PTCH2: variants seen among roughly 807,000 people sequenced by gnomAD.
PTCH2 encodes the protein patched 2, also known as protein patched homolog 2.
Under a neutral mutation model 117.9 loss-of-function variants are expected in PTCH2, and 96 were observed. The observed-to-expected ratio is 0.81, with a 90% CI of 0.69 to 0.96. The LOEUF (loss-of-function observed/expected upper bound fraction) is 0.96. Ranked by LOEUF, PTCH2 falls within the 50% of genes least tolerant of loss-of-function variation. The pLI, the probability that PTCH2 is intolerant of heterozygous loss-of-function variation, is 0.00. For synonymous variants in PTCH2, 615 were observed against 660.9 expected (o/e 0.93, Z 1.06); for missense variants, 1,379 against 1,562.5 (o/e 0.88, Z 1.98).
At chr1:44,825,866 A>G (rs1196542474) in intron 19 of PTCH2, among the ~76,000 whole-genome samples, 2 of 117,670 alleles carry the variant, frequency 1.7e-5, no homozygotes, top group African/African-American at 7.1e-5. Context: ...TTTTTTTGAG[A>G]CGGAGAGTTT....
In PTCH2 at chr1:44,843,237, C is replaced by A. The variant is rs890619824; in HGVS notation, c.-305G>T. On this transcript the variant is annotated 5_prime_UTR_variant, in exon 1 of 22. Transcript: ENST00000372192. Reference sequence around the variant, plus strand: ...TGCTGGCCCGAGACGCACAGCAGGGCTCGAGGTGGCAACTGCAGTCCCCGG... The same window carrying A: ...TGCTGGCCCGAGACGCACAGCAGGGATCGAGGTGGCAACTGCAGTCCCCGG... 1.7e-5 allele frequency: 17 copies of A among 985,296 alleles called. No homozygotes were observed. The highest frequency in any genetic ancestry group is 3.5e-5 in the African/African-American group (2 of 57,248). 61.0% of individuals were successfully genotyped at this position (985,296 alleles called of 1,614,324 possible).
Position 44,823,131 on chromosome 1 carries a change from C to T in PTCH2, c.3295G>A (p.Gly1099Ser). 1 of 1,614,002 alleles carries T rather than the reference C, an allele frequency of 6.2e-7. No individual in the cohort carries two copies. Among genetic ancestry groups the T allele is most frequent in the African/African-American group, 1.3e-5 (1 of 75,014 alleles). Residue 1099 changes from glycine to serine, a missense_variant, in exon 21 of 22, where the codon GGC becomes AGC. Coordinates refer to ENST00000372192, the MANE Select transcript of PTCH2 (RefSeq NM_003738.5). The surrounding 1 kb of genome is among the most constrained non-coding windows in gnomAD (Gnocchi z 5.1). ...AGCAGCACGAGTCCATGGAGGAGGCCCAGGAGCGTGAGCACTGTCAGCGCC... is the reference window on the plus strand; with the variant it reads ...AGCAGCACGAGTCCATGGAGGAGGCTCAGGAGCGTGAGCACTGTCAGCGCC... ...FAALTVLTLL[G>S]LLHGLVLLPV...
At chr1:44,835,306 C>G (rs889871294) in intron 2 of PTCH2, among the ~76,000 whole-genome samples, 2 of 152,166 alleles carry the variant, frequency 1.3e-5, no homozygotes, top group Admixed American at 1.3e-4. Context: ...ATCCTCCCAC[C>G]TCAGCCTCTG....
At chr1:44,824,285 A>G (rs368110435) in intron 19 of PTCH2, among the ~76,000 whole-genome samples, 2 of 152,076 alleles carry the variant, frequency 1.3e-5, no homozygotes, top group Non-Finnish European at 2.9e-5. Context: ...AGGATCATAT[A>G]TTGTTTTTAT....
chr1:44,833,483 C>T (rs2148881130), intron 2 of PTCH2, among the ~76,000 whole-genome samples: 1 of 148,662 alleles, frequency 6.7e-6, no homozygotes, highest in African/African-American at 2.5e-5. Flanking sequence ...ATTGCCCAGG[C>T]TGGAGTGCAG....
Position 44,826,804 on chromosome 1 carries a change from G to A in PTCH2, c.2696-36C>T. 4 of 1,605,842 alleles carry A rather than the reference G, an allele frequency of 2.5e-6. No individual in the cohort carries two copies. Among genetic ancestry groups the A allele is most frequent in the Non-Finnish European group, 3.4e-6 (4 of 1,174,332 alleles). On this transcript the variant is annotated intron_variant, in intron 17 of 21. Transcript: ENST00000372192. This position sits in a 1 kb window ranked among gnomAD's most constrained non-coding sequence, Gnocchi z 5.1. The stretch of plus-strand genomic sequence containing the variant: ...GAGGGGAAGGGAGAAGAGGGAGAGG[G>A]ACAGGGCGGTGAGCACGGGGCAGAG...
downstream of PTCH2, chr1:44,820,502 G>T: frequency 1.5e-6 from 1 of 684,764 alleles, no homozygotes. Context: ...ACCCCTCCTG[G>T]AGGAGATGGC....
rs201593513 is a variant in PTCH2 at position 44,828,675 on chromosome 1, G to C, written c.1465-44C>G. Reference sequence around the variant, plus strand: ...GACCTGCCCTCAGGTCACAAGGGAGGGGCCGTGTCAAAGTGGAGTGAAGGG... The same window carrying C: ...GACCTGCCCTCAGGTCACAAGGGAGCGGCCGTGTCAAAGTGGAGTGAAGGG... On this transcript the variant is annotated intron_variant, in intron 11 of 21. Transcript: ENST00000372192. The C allele has an allele frequency of 5.2e-5, 83 of 1,596,274 alleles. No individual in the cohort carries two copies. The Middle Eastern group carries it at 1.8e-3, about 34-fold the overall frequency.
chr1:44,820,564 T>G (rs1652870689), downstream of PTCH2: 1 of 671,416 alleles, frequency 1.5e-6, no homozygotes, highest in African/African-American at 1.8e-5. Flanking sequence ...CAAGGGGAGG[T>G]GAGAAAGTGT....
chr1:44,842,522 G>A (rs1653998425), intron 1 of PTCH2, among the ~76,000 whole-genome samples: 1 of 151,966 alleles, frequency 6.6e-6, no homozygotes, highest in African/African-American at 2.4e-5. Context: ...CAGGTAATCT[G>A]CCTGCCTCAG....
chr1:44,827,047 C>T lies in PTCH2; in HGVS notation c.2550G>A (p.Leu850=), dbSNP rs1047168610. ...CCATGTAGAAGAGCTCGGGTGGAATCAGTCCCTCTCTGTCCACCAGCTTCC... is the reference window on the plus strand; with the variant it reads ...CCATGTAGAAGAGCTCGGGTGGAATTAGTCCCTCTCTGTCCACCAGCTTCC... ...TTRKLVDREG[L]IPPELFYMGL... is the part of the protein sequence containing the mutation. The change falls in exon 17 of 22, where the codon CTG becomes CTA. Residue 850 remains leucine (L), a synonymous_variant. Transcript: ENST00000372192. 4 of 1,614,008 alleles carry T rather than the reference C, an allele frequency of 2.5e-6. No homozygotes were observed. Among genetic ancestry groups the T allele is most frequent in the Non-Finnish European group, 3.4e-6 (4 of 1,180,042 alleles).
In PTCH2 at chr1:44,826,299, A is replaced by G. The variant is rs748316418; in HGVS notation, c.3065T>C (p.Leu1022Pro). 1.9e-6 allele frequency: 3 copies of G among 1,614,158 alleles called. No individual in the cohort carries two copies. The highest frequency in any genetic ancestry group is 1.1e-5 in the South Asian group (1 of 91,092). Residue 1022 changes from leucine to proline, a missense_variant, in exon 19 of 22, where the codon CTT becomes CCT. Leu to Pro is a moderately conservative substitution (Grantham distance 98, BLOSUM62 -3). Transcript: ENST00000372192. This position sits in a 1 kb window ranked among gnomAD's most constrained non-coding sequence, Gnocchi z 5.1. ...IKLSAIPVVI[L>P]VASVGIGVEF... ...AACGCCAATGCCTACAGAGGCCACA[A>G]GGATCACCACGGGGATGGCACTCAG...
At position 44,830,587 on chromosome 1, in the gene PTCH2, C is replaced by CAAA. The variant is rs768951349; in HGVS notation, c.813+258_813+260dup. Among the ~76,000 whole-genome samples, 337 of 65,118 alleles carry CAAA rather than the reference C, an allele frequency of 5.2e-3. 25 individuals carry two copies. The highest frequency in any genetic ancestry group is 0.02 in the African/African-American group (287 of 14,706). The allele number at this position is 65,118 out of a possible 152,430, so 42.7% of individuals were successfully genotyped here. On this transcript the variant is annotated intron_variant, in intron 6 of 21. Transcript: ENST00000372192. ...CCAGCCTGGGTGACAGAGTGAGACT[C>CAAA]AAAAAAAAAAAAAAAAAGAAGTCCA...
At chr1:44,832,661 G>A (rs776421190) in intron 2 of PTCH2, among the ~76,000 whole-genome samples, 9 of 152,230 alleles carry the variant, frequency 5.9e-5, no homozygotes, top group East Asian at 3.8e-4. Context: ...TGAGCTGGCC[G>A]TGGGCTGTGG....
rs1344013168 is a variant in PTCH2 at position 44,826,945 on chromosome 1, TTCAGGAGG to T, written c.2644_2651del (p.Pro882MetfsTer147). On this transcript the variant is annotated frameshift_variant, in exon 17 of 22. Transcript: ENST00000372192. LOFTEE classifies it high-confidence loss of function. The surrounding 1 kb of genome is among the most constrained non-coding windows in gnomAD (Gnocchi z 5.1). Reference sequence around the variant, plus strand: ...TGGTGTCGTATTTGTCGTGCAGCCATTCAGGAGGTGGGGGGTAGAAGTTGGCCTGTGAG... The same window carrying T: ...TGGTGTCGTATTTGTCGTGCAGCCATTGGGGGGTAGAAGTTGGCCTGTGAG... The T allele has an allele frequency of 6.2e-7, 1 of 1,613,962 alleles. No individual in the cohort carries two copies. Among genetic ancestry groups the T allele is most frequent in the Non-Finnish European group, 8.5e-7 (1 of 1,180,000 alleles).
At position 44,843,205 on chromosome 1, in the gene PTCH2, G is replaced by A. The variant is rs1654029080; in HGVS notation, c.-273C>T. ...GAGGAGGAATGGGTCCCGCGCGCAGGCGGAATTGCTGGCCCGAGACGCACA... is the reference window on the plus strand; with the variant it reads ...GAGGAGGAATGGGTCCCGCGCGCAGACGGAATTGCTGGCCCGAGACGCACA... On this transcript the variant is annotated 5_prime_UTR_variant, in exon 1 of 22. Coordinates refer to ENST00000372192, the MANE Select transcript of PTCH2 (RefSeq NM_003738.5). 1.7e-6 allele frequency: 2 copies of A among 1,202,826 alleles called. No individual in the cohort carries two copies. The highest frequency in any genetic ancestry group is 4.5e-5 in the Admixed American group (1 of 22,460). The allele number at this position is 1,202,826 out of a possible 1,614,324, so 74.5% of individuals were successfully genotyped here.
rs774631883 is a variant in PTCH2 at position 44,829,636 on chromosome 1, G to T, written c.1061C>A (p.Ala354Asp). Reference protein sequence around the residue: ...SEEQASTVLQAWQRRFVQLAQ... With the variant: ...SEEQASTVLQDWQRRFVQLAQ... The stretch of plus-strand genomic sequence containing the variant: ...GACCTGCACAAAGCGCCGCTGCCAG[G>T]CTTGTAGCACTGTGCTGGCCTGCTC... Residue 354 changes from alanine (A) to aspartate (D), a missense_variant, in exon 8 of 22, where the codon GCC becomes GAC. By Grantham distance (126) the Ala-to-Asp change is moderately radical (BLOSUM62 -2). Coordinates refer to ENST00000372192, the MANE Select transcript of PTCH2 (RefSeq NM_003738.5). 9.3e-6 allele frequency: 15 copies of T among 1,614,218 alleles called. No individual in the cohort carries two copies. Among genetic ancestry groups the T allele is most frequent in the Middle Eastern group, 1.6e-4 (1 of 6,062 alleles).
Position 44,831,659 on chromosome 1 carries a change from A to G in PTCH2, c.617+47T>C. On this transcript the variant is annotated intron_variant, in intron 5 of 21. Transcript: ENST00000372192. The surrounding 1 kb of genome is among the most constrained non-coding windows in gnomAD (Gnocchi z 4.3). Reference sequence around the variant, plus strand: ...CCCCAGACCCCTCCTTTCTGCTGGGAGAGTCCCCAGCGGGAGATGAAGCAG... The same window carrying G: ...CCCCAGACCCCTCCTTTCTGCTGGGGGAGTCCCCAGCGGGAGATGAAGCAG... 2.7e-6 allele frequency: 4 copies of G among 1,483,418 alleles called. No individual in the cohort carries two copies. The highest frequency in any genetic ancestry group is 3.7e-6 in the Non-Finnish European group (4 of 1,084,958). The allele number at this position is 1,483,418 out of a possible 1,614,324, so 91.9% of individuals were successfully genotyped here.
rs773222322 is a variant in PTCH2, at chr1:44,826,310, G to A, written c.3054C>T (p.Pro1018=). 7.4e-6 allele frequency: 12 copies of A among 1,614,132 alleles called. No individual in the cohort carries two copies. Among genetic ancestry groups the A allele is most frequent in the Admixed American group, 6.7e-5 (4 of 60,022 alleles). Residue 1018 remains proline, a synonymous_variant, in exon 19 of 22, where the codon CCC becomes CCT. Coordinates refer to ENST00000372192, the MANE Select transcript of PTCH2 (RefSeq NM_003738.5). The surrounding 1 kb of genome is among the most constrained non-coding windows in gnomAD (Gnocchi z 5.1). ...CTACAGAGGCCACAAGGATCACCAC[G>A]GGGATGGCACTCAGCTTGATGCCCA... is the stretch of plus-strand genomic sequence containing the variant. ...GFLGIKLSAI[P]VVILVASVGI... is the part of the protein sequence containing the mutation.
Sources: gnomAD v4.1 joint callset for allele counts (sites outside exome capture counted in the v4.1 genomes callset) on GRCh38, gnomAD v4.1.1 for gene constraint, Gnocchi (gnomAD v3.1) non-coding constraint, MANE v1.5 for transcripts, NCBI Gene and HGNC (gene_info 2026-07-23, HGNC 2026-07-21) for gene names.